The following SYPL1 variants were observed in gnomAD, a reference collection of about 807,000 sequenced individuals.
The protein encoded by SYPL1 is synaptophysin like 1.
In SYPL1, 6 loss-of-function variants were observed where a neutral mutation model predicts 23.7. The observed-to-expected ratio is 0.25, with a 90% confidence interval of 0.14 to 0.50. SYPL1 has a LOEUF of 0.50. Among genes scored for constraint, SYPL1 ranks in the 20% least tolerant of loss-of-function variants. The pLI, the probability that SYPL1 is intolerant of heterozygous loss-of-function variation, is 0.98. For missense variants in SYPL1, 253 were observed against 288.9 expected (o/e 0.88, Z 0.90); for synonymous variants, 102 against 104.5 (o/e 0.98, Z 0.15).
intron 4 of SYPL1, chr7:106,092,687 A>G (rs969561781): frequency 9.2e-5 from 47 of 513,520 alleles, no homozygotes; most frequent in African/African-American, 7.7e-4. Context: ...AAAAAAAAAA[A>G]AAAAGAAATT....
At chr7:106,106,204 A>G (rs1271502533) in intron 1 of SYPL1, among the ~76,000 whole-genome samples, 1 of 152,190 alleles carries the variant, frequency 6.6e-6, no homozygotes, top group Non-Finnish European at 1.5e-5. Flanking sequence ...TAAGTTGTAG[A>G]TGCATATTGT....
In SYPL1 at chr7:106,104,602, A is replaced by T. The variant is rs1182943603; in HGVS notation, c.70-5320T>A. Among the ~76,000 whole-genome samples the T allele has an allele frequency of 6.6e-6, 1 of 152,246 alleles. No homozygotes were observed. The highest frequency in any genetic ancestry group is 1.5e-5 in the Non-Finnish European group (1 of 68,044). The stretch of plus-strand genomic sequence containing the variant: ...ATGCTCACTAAATAACTACTTAATT[A>T]AGGAAAAAATAATTTCCAATAACTT... On this transcript the variant is annotated intron_variant, in intron 1 of 4. Transcript: ENST00000455385. The surrounding 1 kb of genome is among the most constrained non-coding windows in gnomAD (Gnocchi z 4.1).
Position 106,097,843 on chromosome 7 carries a change from AT to A in SYPL1, c.248del (p.Asn83IlefsTer8). 6.2e-7 allele frequency: 1 copy of A among 1,613,944 alleles called. No individual in the cohort carries two copies. The highest frequency in any genetic ancestry group is 8.5e-7 in the Non-Finnish European group (1 of 1,179,892). ...PPPGVNICDV[N>X]WKDYVLIGDY... ...CGCCTATGAGGACGTAATCTTTCCA[AT>A]TTACATCACATATGTTTACACCTGG... On this transcript the variant is annotated frameshift_variant, in exon 3 of 5. Transcript: ENST00000455385. LOFTEE classifies it high-confidence loss of function. This position sits in a 1 kb window ranked among gnomAD's most constrained non-coding sequence, Gnocchi z 4.6.
Position 106,091,989 on chromosome 7 carries a change from T to A in SYPL1, c.592-50A>T. The A allele has an allele frequency of 2.6e-6, 4 of 1,534,622 alleles. No homozygotes were observed. Among genetic ancestry groups the A allele is most frequent in the South Asian group, 1.2e-5 (1 of 82,274 alleles). ...AAAATCAAATACCTACTTATAAAAA[T>A]TCATGCCCTACTTAAAAATCTCACT... is the stretch of plus-strand genomic sequence containing the variant. On this transcript the variant is annotated intron_variant, in intron 4 of 4. Transcript: ENST00000455385. This position sits in a 1 kb window ranked among gnomAD's most constrained non-coding sequence, Gnocchi z 5.0.
At chr7:106,101,657 T>C (rs1392823352) in intron 1 of SYPL1, among the ~76,000 whole-genome samples, 1 of 151,562 alleles carries the variant, frequency 6.6e-6, no homozygotes, top group Non-Finnish European at 1.5e-5. Context: ...CTAAATAATG[T>C]TTTATGTTAA....
intron 1 of SYPL1, among the ~76,000 whole-genome samples, chr7:106,105,406 G>C (rs1840539650): frequency 6.6e-6 from 1 of 150,812 alleles, no homozygotes; most frequent in African/African-American, 2.4e-5. Context: ...AAGAATCCAG[G>C]GGCGGGGTGA....
intron 1 of SYPL1, among the ~76,000 whole-genome samples, chr7:106,105,764 C>T (rs1444525103): frequency 6.6e-6 from 1 of 152,030 alleles, no homozygotes; most frequent in Non-Finnish European, 1.5e-5. Flanking sequence ...TGCTGGGTAT[C>T]CTGAAGGTAA....
chr7:106,097,662 G>T lies in SYPL1; in HGVS notation c.402+28C>A. The T allele has an allele frequency of 6.5e-7, 1 of 1,539,430 alleles. No homozygotes were observed. The highest frequency in any genetic ancestry group is 1.2e-5 in the South Asian group (1 of 83,044). Reference sequence around the variant, plus strand: ...TATTTAGCTTATACAAATTATTTTTGTATTTAAAAAATAAAGTGATTACTT... The same window carrying T: ...TATTTAGCTTATACAAATTATTTTTTTATTTAAAAAATAAAGTGATTACTT... On this transcript the variant is annotated intron_variant, in intron 3 of 4. Transcript: ENST00000455385. This position sits in a 1 kb window ranked among gnomAD's most constrained non-coding sequence, Gnocchi z 4.6.
Position 106,112,249 on chromosome 7 carries a change from C to A in SYPL1, c.-41G>T, listed in dbSNP as rs760619388. On this transcript the variant is annotated 5_prime_UTR_variant, in exon 1 of 5. Coordinates refer to ENST00000455385, the MANE Select transcript of SYPL1 (RefSeq NM_182715.4). ...GGGAGAGAGAGTCAGGACGACGGGG[C>A]GGAGGAGGGGACCGACGAGACCAGA... The A allele has an allele frequency of 3.3e-6, 5 of 1,508,610 alleles. No homozygotes were observed. Among genetic ancestry groups the A allele is most frequent in the East Asian group, 2.7e-5 (1 of 37,230 alleles). 93.5% of individuals were successfully genotyped at this position (1,508,610 alleles called of 1,614,324 possible).
rs1265093591 is a variant in SYPL1 at position 106,096,464 on chromosome 7, A to T, written c.402+1226T>A. 6.6e-6 allele frequency among the ~76,000 whole-genome samples: 1 copy of T among 152,222 alleles called. No homozygotes were observed. Among genetic ancestry groups the T allele is most frequent in the Non-Finnish European group, 1.5e-5 (1 of 68,032 alleles). ...ATGAATGACCAGTATCACACATAAA[A>T]AACACCTCTGTTTTCCCTTTAAGTC... On this transcript the variant is annotated intron_variant, in intron 3 of 4. Transcript: ENST00000455385. This position sits in a 1 kb window ranked among gnomAD's most constrained non-coding sequence, Gnocchi z 4.4.
intron 1 of SYPL1, among the ~76,000 whole-genome samples, chr7:106,108,416 G>A (rs972558235): frequency 6.6e-6 from 1 of 152,054 alleles, no homozygotes; most frequent in South Asian, 2.1e-4. Flanking sequence ...TAGGATATTT[G>A]ATATAGGCTC....
chr7:106,110,710 T>C (rs890590761), intron 1 of SYPL1, among the ~76,000 whole-genome samples: 2 of 152,246 alleles, frequency 1.3e-5, no homozygotes, highest in Non-Finnish European at 2.9e-5. Flanking sequence ...AATGAACTTA[T>C]CACTAGTGCT....
In SYPL1 at chr7:106,099,223, T is replaced by C. The variant is rs1450298356; in HGVS notation, c.129A>G (p.Gln43=). 1.2e-6 allele frequency: 2 copies of C among 1,613,988 alleles called. No homozygotes were observed. The highest frequency in any genetic ancestry group is 8.5e-7 in the Non-Finnish European group (1 of 1,180,004). Residue 43 remains glutamine, a synonymous_variant, in exon 2 of 5, where the codon CAA becomes CAG. Coordinates refer to ENST00000455385, the MANE Select transcript of SYPL1 (RefSeq NM_182715.4). The stretch of plus-strand genomic sequence containing the variant: ...CAGTAACTGCAGGAGGACAATTCAC[T>C]TGAATTTCTGTTTGGCCCTTAAAAC... ...CGGFKGQTEI[Q]VNCPPAVTEN...
At chr7:106,108,566 C>T (rs1010026512) in intron 1 of SYPL1, among the ~76,000 whole-genome samples, 1 of 152,122 alleles carries the variant, frequency 6.6e-6, no homozygotes, top group Non-Finnish European at 1.5e-5. Flanking sequence ...AGTGAACATA[C>T]ACGTTATCAC....
rs1354149640 is a variant in SYPL1 at position 106,096,740 on chromosome 7, ATTTT to A, written c.402+946_402+949del. Among the ~76,000 whole-genome samples, 1 of 152,222 alleles carries A rather than the reference ATTTT, an allele frequency of 6.6e-6. No homozygotes were observed. The highest frequency in any genetic ancestry group is 1.5e-5 in the Non-Finnish European group (1 of 68,038). On this transcript the variant is annotated intron_variant, in intron 3 of 4. Transcript: ENST00000455385. The surrounding 1 kb of genome is among the most constrained non-coding windows in gnomAD (Gnocchi z 4.4). ...TGAGTATAAGAATTACCTGGGTCTGATTTTAAATTAAGGAGTTTAGGGACATAGA... is the reference window on the plus strand; with the variant it reads ...TGAGTATAAGAATTACCTGGGTCTGAAAATTAAGGAGTTTAGGGACATAGA...
Position 106,096,720 on chromosome 7 carries a change from A to G in SYPL1, c.402+970T>C, listed in dbSNP as rs16872056. On this transcript the variant is annotated intron_variant, in intron 3 of 4. Transcript: ENST00000455385. This position sits in a 1 kb window ranked among gnomAD's most constrained non-coding sequence, Gnocchi z 4.4. ...TTCATGGTTGCCACTAATGCTGAGTATAAGAATTACCTGGGTCTGATTTTA... is the reference window on the plus strand; with the variant it reads ...TTCATGGTTGCCACTAATGCTGAGTGTAAGAATTACCTGGGTCTGATTTTA... 0.2 allele frequency among the ~76,000 whole-genome samples: 30,949 copies of G among 152,152 alleles called. 4,388 individuals are homozygous for G. The highest frequency in any genetic ancestry group is 0.4 in the African/African-American group (16,725 of 41,456).
intron 1 of SYPL1, 110 bp from the exon 2 acceptor site, chr7:106,099,392 A>G: frequency 3.1e-6 from 4 of 1,300,838 alleles, no homozygotes; most frequent in Non-Finnish European, 4.2e-6. Flanking sequence ...AAATTGGCTA[A>G]CATTCTAGAA....
chr7:106,107,651 A>G (rs1344247922), intron 1 of SYPL1, among the ~76,000 whole-genome samples: 1 of 151,372 alleles, frequency 6.6e-6, no homozygotes, highest in Non-Finnish European at 1.5e-5. Context: ...GTGAGGCAGG[A>G]GAATCACTTG....
Position 106,112,176 on chromosome 7 carries a change from G to A in SYPL1, c.33C>T (p.Leu11=), listed in dbSNP as rs1283927800. The change falls in exon 1 of 5, where the codon CTC becomes CTT. Residue 11 remains leucine (L), a synonymous_variant. Transcript: ENST00000455385. ...CCTTGATGAAGCCGAGTGGCTCCTT[G>A]AGCGGGTTGAGGTTGATCTGGAAGC... MSGFQINLNP[L]KEPLGFIKVL... 4.5e-6 allele frequency: 7 copies of A among 1,545,380 alleles called. No homozygotes were observed. The South Asian group carries it at 5.8e-5, about 13-fold the overall frequency.
Sources: allele counts gnomAD v4.1 joint callset (sites outside exome capture counted in the v4.1 genomes callset), GRCh38; gene constraint gnomAD v4.1.1; non-coding constraint Gnocchi (gnomAD v3.1); transcripts MANE v1.5; gene names NCBI Gene and HGNC (gene_info 2026-07-23, HGNC 2026-07-21).